Variants in RAD51B observed in about 807,000 individuals in gnomAD.
The protein encoded by RAD51B is DNA repair protein RAD51 homolog 2.
RAD51B carries 38 observed loss-of-function variants against 42.2 expected under a neutral mutation model. The observed-to-expected ratio is 0.90, with a 90% CI of 0.70 to 1.18. The LOEUF (loss-of-function observed/expected upper bound fraction) is 1.18, where lower values mean the gene tolerates loss of function less well. Among genes scored for constraint, RAD51B ranks in the 50% most tolerant of loss-of-function variants. RAD51B has a pLI of 0.00. For synonymous variants in RAD51B, 154 were observed against 145.2 expected (o/e 1.06, Z -0.43); for missense variants, 373 against 400.7 (o/e 0.93, Z 0.59).
chr14:68,376,042 A>G (rs2083362485), intron 8 of RAD51B, among the ~76,000 whole-genome samples: 1 of 152,136 alleles, frequency 6.6e-6, no homozygotes, highest in South Asian at 2.1e-4. Flanking sequence ...GCCACCTGCT[A>G]TTTATTTCAC....
intron 10 of RAD51B, among the ~76,000 whole-genome samples, chr14:68,630,074 A>C (rs986203305): frequency 6.6e-6 from 1 of 152,260 alleles, no homozygotes; most frequent in Non-Finnish European, 1.5e-5. Flanking sequence ...CTGACTCCAC[A>C]GTAAGAAGCT....
chr14:68,412,190 T>C (rs185708464), intron 9 of RAD51B, among the ~76,000 whole-genome samples: 1 of 152,366 alleles, frequency 6.6e-6, no homozygotes, highest in East Asian at 1.9e-4. Context: ...CTGTCTGACC[T>C]CTTTGGTAAA....
At chr14:67,901,406 T>G (rs924673681) in intron 7 of RAD51B, among the ~76,000 whole-genome samples, 1 of 152,144 alleles carries the variant, frequency 6.6e-6, no homozygotes, top group African/African-American at 2.4e-5. Flanking sequence ...TCATATTTCT[T>G]CTCATTAGCT....
chr14:68,387,231 T>C (rs1440365987), intron 8 of RAD51B: 2 of 152,228 alleles, frequency 1.3e-5, no homozygotes, highest in African/African-American at 4.8e-5. Flanking sequence ...TTCTTTTACA[T>C]TGCAGCAGTC....
chr14:68,475,844 CAA>C (rs1882536460), intron 10 of RAD51B, among the ~76,000 whole-genome samples: 1 of 151,968 alleles, frequency 6.6e-6, no homozygotes, highest in Admixed American at 6.5e-5. Flanking sequence ...TTTGCATTTG[CAA>C]AAATGGCCAG....
chr14:67,941,681 G>A (rs2045214361), intron 7 of RAD51B, among the ~76,000 whole-genome samples: 1 of 152,190 alleles, frequency 6.6e-6, no homozygotes, highest in African/African-American at 2.4e-5. Context: ...TTTCACATGA[G>A]AAGTTGTTTT....
At chr14:68,135,565 C>T (rs953394122) in intron 7 of RAD51B, among the ~76,000 whole-genome samples, 1 of 152,096 alleles carries the variant, frequency 6.6e-6, no homozygotes, top group African/African-American at 2.4e-5. Flanking sequence ...GTTCTCATTT[C>T]TTATTATGGT....
rs186100818 is a variant in RAD51B, at chr14:68,603,194, A to G, written c.1037-7812A>G. Among the ~76,000 whole-genome samples, 5 of 152,318 alleles carry G rather than the reference A, an allele frequency of 3.3e-5. No homozygotes were observed. In the East Asian group the frequency reaches 7.7e-4, roughly 23 times the overall value. The stretch of plus-strand genomic sequence containing the variant: ...GTGCCTTATATGGATTAGGCCCTCA[A>G]TCACTTGTGGGTTAATTTTATTCTC... On this transcript the variant is annotated intron_variant, in intron 10 of 10. Transcript: ENST00000487861.
chr14:68,201,722 G>A (rs2079488872), intron 7 of RAD51B, among the ~76,000 whole-genome samples: 1 of 152,186 alleles, frequency 6.6e-6, no homozygotes, highest in Admixed American at 6.5e-5. Flanking sequence ...AGTGATGACT[G>A]TGGCCTGTAG....
chr14:68,145,114 AT>A (rs2078222569), intron 7 of RAD51B, among the ~76,000 whole-genome samples: 1 of 152,228 alleles, frequency 6.6e-6, no homozygotes, highest in African/African-American at 2.4e-5. Context: ...CAAACTCCCT[AT>A]TTTATATTAA....
intron 8 of RAD51B, among the ~76,000 whole-genome samples, chr14:68,398,915 A>G (rs1230469708): frequency 1.3e-5 from 2 of 152,340 alleles, no homozygotes; most frequent in East Asian, 3.9e-4. Flanking sequence ...AAATGTTAGC[A>G]TATATTAGGA....
At chr14:68,334,095 C>A (rs1389699095) in intron 8 of RAD51B, among the ~76,000 whole-genome samples, 3 of 152,088 alleles carry the variant, frequency 2.0e-5, no homozygotes, top group Non-Finnish European at 1.5e-5. Flanking sequence ...TATATTGTCA[C>A]AAATGGTGGA....
intron 7 of RAD51B, among the ~76,000 whole-genome samples, chr14:68,233,997 A>G (rs183170436): frequency 6.6e-6 from 1 of 152,164 alleles, no homozygotes; most frequent in Non-Finnish European, 1.5e-5. Context: ...CAGGAAGAGA[A>G]TTCTGATGAT....
At chr14:68,306,306 C>T (rs2081861145) in intron 8 of RAD51B, among the ~76,000 whole-genome samples, 1 of 152,342 alleles carries the variant, frequency 6.6e-6, no homozygotes, top group African/African-American at 2.4e-5. Context: ...CCAACTTGCA[C>T]TTTCAAGTTC....
At chr14:68,500,749 G>A (rs1405425218) in intron 10 of RAD51B, among the ~76,000 whole-genome samples, 2 of 152,300 alleles carry the variant, frequency 1.3e-5, no homozygotes, top group Admixed American at 1.3e-4. Flanking sequence ...GCCTTGTTGG[G>A]AAAAGAGAAG....
At chr14:68,531,960 G>A (rs1217627849) in intron 10 of RAD51B, among the ~76,000 whole-genome samples, 2 of 152,166 alleles carry the variant, frequency 1.3e-5, no homozygotes, top group Admixed American at 6.5e-5. Context: ...CCTCCAACCT[G>A]GGTGACAGAG....
At chr14:67,866,592 GTCT>G (rs1423578045) in intron 5 of RAD51B, among the ~76,000 whole-genome samples, 2 of 152,218 alleles carry the variant, frequency 1.3e-5, no homozygotes, top group East Asian at 3.8e-4. Context: ...AGTTTAGGAT[GTCT>G]TCTTAAGGAG....
At chr14:67,901,858 AC>A (rs2043625442) in intron 7 of RAD51B, among the ~76,000 whole-genome samples, 1 of 152,180 alleles carries the variant, frequency 6.6e-6, no homozygotes, top group South Asian at 2.1e-4. Context: ...AATAATGTGT[AC>A]CCATGGATGT....
At chr14:68,431,730 GT>G (rs1207269103) in intron 9 of RAD51B, among the ~76,000 whole-genome samples, 2 of 152,100 alleles carry the variant, frequency 1.3e-5, no homozygotes, top group Non-Finnish European at 2.9e-5. Context: ...TTTTTGAAGG[GT>G]TTTTTATGTC....
Sources: allele counts gnomAD v4.1 joint callset (sites outside exome capture counted in the v4.1 genomes callset), GRCh38; gene constraint gnomAD v4.1.1; transcripts MANE v1.5; gene names NCBI Gene and HGNC (gene_info 2026-07-23, HGNC 2026-07-21).